Variants in TMEM163 observed in about 807,000 individuals in gnomAD.
TMEM163 encodes transmembrane protein 163.
A neutral mutation model predicts 29.3 loss-of-function variants in TMEM163; 17 were observed. That is an observed-to-expected ratio of 0.58 (90% CI 0.40 to 0.87). TMEM163 has a LOEUF of 0.87. Among genes scored for constraint, TMEM163 ranks in the 40% least tolerant of loss-of-function variants. The pLI is 0.00. For synonymous variants in TMEM163, 157 were observed against 160.6 expected (o/e 0.98, Z 0.17); for missense variants, 303 against 381.5 (o/e 0.79, Z 1.71).
At chr2:134,521,283 C>T (rs565421908) in intron 4 of TMEM163, among the ~76,000 whole-genome samples, 1 of 152,300 alleles carries the variant, frequency 6.6e-6, no homozygotes, top group South Asian at 2.1e-4. Flanking sequence ...AGGCATGAGC[C>T]ACCACGCCCA....
intron 5 of TMEM163, among the ~76,000 whole-genome samples, chr2:134,488,955 A>C (rs2106481670): frequency 6.6e-6 from 1 of 152,332 alleles, no homozygotes; most frequent in East Asian, 1.9e-4. Context: ...AAATTGTGAT[A>C]AGTTTGAAAA....
intron 5 of TMEM163, among the ~76,000 whole-genome samples, chr2:134,484,710 A>T (rs1326349921): frequency 6.6e-6 from 1 of 152,226 alleles, no homozygotes; most frequent in East Asian, 1.9e-4. Flanking sequence ...CAACAATAAC[A>T]ACAATGTTAA....
At chr2:134,545,589 C>G (rs1331080825) in intron 4 of TMEM163, among the ~76,000 whole-genome samples, 1 of 152,120 alleles carries the variant, frequency 6.6e-6, no homozygotes, top group Non-Finnish European at 1.5e-5. Context: ...TCACTGACGA[C>G]TCACTGATGA....
intron 2 of TMEM163, among the ~76,000 whole-genome samples, chr2:134,560,893 C>T (rs1169946366): frequency 2.6e-5 from 4 of 152,192 alleles, no homozygotes; most frequent in Non-Finnish European, 5.9e-5. Flanking sequence ...AGGGAGAGAC[C>T]TGGGTTTCAA....
intron 2 of TMEM163, among the ~76,000 whole-genome samples, chr2:134,554,283 G>A (rs556235434): frequency 1.2e-4 from 18 of 151,986 alleles, no homozygotes; most frequent in Admixed American, 2.0e-4. Context: ...AGAATAAGCC[G>A]GGCGTGGTGG....
At chr2:134,706,018 TGAA>T (rs1386137583) in intron 2 of TMEM163, among the ~76,000 whole-genome samples, 1 of 152,122 alleles carries the variant, frequency 6.6e-6, no homozygotes. Context: ...AAACGCTGTG[TGAA>T]GAAGGCACTG....
At chr2:134,666,840 G>A (rs988982037) in intron 2 of TMEM163, among the ~76,000 whole-genome samples, 19 of 152,206 alleles carry the variant, frequency 1.2e-4, no homozygotes, top group African/African-American at 2.7e-4. Context: ...GATGGCCAGC[G>A]TAGAGCAGGC....
At chr2:134,521,124 G>A (rs1019313878) in intron 4 of TMEM163, among the ~76,000 whole-genome samples, 3 of 152,000 alleles carry the variant, frequency 2.0e-5, no homozygotes, top group Admixed American at 2.0e-4. Context: ...TCAGCCTCCT[G>A]AGTAGCTGGG....
At chr2:134,544,719 G>A (rs748783608) in intron 4 of TMEM163, among the ~76,000 whole-genome samples, 3 of 152,056 alleles carry the variant, frequency 2.0e-5, no homozygotes, top group Non-Finnish European at 2.9e-5. Flanking sequence ...TGCTTGAACC[G>A]GGGAGGCAGA....
chr2:134,491,992 T>A (rs536174148), intron 5 of TMEM163, among the ~76,000 whole-genome samples: 5 of 152,354 alleles, frequency 3.3e-5, no homozygotes, highest in Admixed American at 1.3e-4. Context: ...GTTAGCACCC[T>A]CCAGCCTGTG....
At chr2:134,563,275 G>C (rs1681224050) in intron 2 of TMEM163, among the ~76,000 whole-genome samples, 1 of 152,170 alleles carries the variant, frequency 6.6e-6, no homozygotes, top group Admixed American at 6.5e-5. Context: ...ACTGAGATCA[G>C]GTGCCCCGAG....
chr2:134,480,114 G>A (rs966278402), intron 5 of TMEM163, among the ~76,000 whole-genome samples: 5 of 152,106 alleles, frequency 3.3e-5, no homozygotes, highest in South Asian at 4.1e-4. Flanking sequence ...TATAAGACAC[G>A]GTCTTTTCCA....
chr2:134,681,777 C>CT (rs1684254474), intron 2 of TMEM163, among the ~76,000 whole-genome samples: 1 of 152,212 alleles, frequency 6.6e-6, no homozygotes, highest in Admixed American at 6.5e-5. Flanking sequence ...ATAAACAGGT[C>CT]ACCAACAAGC....
At chr2:134,650,524 G>GT (rs201630417) in intron 2 of TMEM163, among the ~76,000 whole-genome samples, 71,784 of 139,522 alleles carry the variant, frequency 0.51, 19,551 homozygotes, top group Non-Finnish European at 0.56. Flanking sequence ...TTGTTTGTTT[G>GT]TTTGTTTGTT....
chr2:134,577,928 C>T (rs532244345), intron 2 of TMEM163, among the ~76,000 whole-genome samples: 22 of 152,168 alleles, frequency 1.4e-4, no homozygotes, highest in African/African-American at 4.6e-4. Context: ...TTAAAGTATA[C>T]GGGAGGATGT....
chr2:134,556,389 AAGGTTCATAAT>A (rs1681049974), intron 2 of TMEM163, among the ~76,000 whole-genome samples: 1 of 152,214 alleles, frequency 6.6e-6, no homozygotes, highest in Admixed American at 6.5e-5. Flanking sequence ...TTAAGTACAA[AAGGTTCATAAT>A]AGGTTCATGT....
chr2:134,713,517 C>T, intron 1 of TMEM163, 198 bp from the exon 2 acceptor site: 1 of 778,120 alleles, frequency 1.3e-6, no homozygotes, highest in Admixed American at 2.0e-5. Flanking sequence ...AAATCACAGG[C>T]TCTGACAATA....
intron 2 of TMEM163, among the ~76,000 whole-genome samples, chr2:134,702,857 T>A (rs1322992379): frequency 6.6e-6 from 1 of 151,808 alleles, no homozygotes; most frequent in African/African-American, 2.4e-5. Flanking sequence ...GGAAGTAGGG[T>A]GTGTATGGAT....
At chr2:134,613,009 G>A (rs1279885077) in intron 2 of TMEM163, among the ~76,000 whole-genome samples, 1 of 152,124 alleles carries the variant, frequency 6.6e-6, no homozygotes, top group Non-Finnish European at 1.5e-5. Context: ...AGGAAACCAT[G>A]TCTTTAAAAA....
Sources: allele counts gnomAD v4.1 joint callset (sites outside exome capture counted in the v4.1 genomes callset), GRCh38; gene constraint gnomAD v4.1.1; transcripts MANE v1.5; gene names NCBI Gene and HGNC (gene_info 2026-07-23, HGNC 2026-07-21).